CDC73: variants seen among roughly 807,000 people sequenced by gnomAD.
CDC73 encodes parafibromin.
In CDC73, 21 loss-of-function variants were observed where a neutral mutation model predicts 83.7. That is an observed-to-expected ratio of 0.25 (90% CI 0.18 to 0.36). CDC73 has a LOEUF of 0.36. Ranked by LOEUF, CDC73 falls within the 10% of genes least tolerant of loss-of-function variation. CDC73 has a pLI of 1.00. For missense variants in CDC73, 342 were observed against 653.3 expected, an observed-to-expected ratio of 0.52 and a Z score of 5.19; for synonymous variants, 224 against 212.9, an observed-to-expected ratio of 1.05 and a Z score of -0.45.
chr1:193,123,811 G>A (rs1242439127), intron 1 of CDC73, among the ~76,000 whole-genome samples: 1 of 152,172 alleles, frequency 6.6e-6, no homozygotes, highest in Non-Finnish European at 1.5e-5. Flanking sequence ...AAACAGATAA[G>A]TTGATGTGAA....
chr1:193,124,277 A>G (rs1315607132), intron 1 of CDC73, among the ~76,000 whole-genome samples: 1 of 152,238 alleles, frequency 6.6e-6, no homozygotes, highest in South Asian at 2.1e-4. Context: ...TATTGTATGC[A>G]GTGCATTTTA....
intron 13 of CDC73, among the ~76,000 whole-genome samples, chr1:193,221,473 A>C (rs1013563147): frequency 2.6e-5 from 4 of 152,104 alleles, no homozygotes; most frequent in African/African-American, 9.7e-5. Context: ...AATCTCACAA[A>C]TTTTAGTAAT....
intron 10 of CDC73, among the ~76,000 whole-genome samples, chr1:193,200,594 T>C (rs1283245024): frequency 2.6e-5 from 4 of 152,238 alleles, no homozygotes; most frequent in Admixed American, 1.3e-4. Context: ...GAAAGCAGGT[T>C]TTCCTCTCCA....
intron 10 of CDC73, among the ~76,000 whole-genome samples, chr1:193,177,455 G>A (rs1285739512): frequency 2.0e-5 from 3 of 150,408 alleles, no homozygotes; most frequent in Non-Finnish European, 4.4e-5. Context: ...GCGTGAACCC[G>A]GGAGGCGGAG....
chr1:193,219,800 C>A (rs1677435140), intron 13 of CDC73, among the ~76,000 whole-genome samples: 1 of 152,114 alleles, frequency 6.6e-6, no homozygotes, highest in Admixed American at 6.6e-5. Context: ...TACCCTGGGT[C>A]ATGAAATAAT....
chr1:193,152,007 CT>C (rs1676122005), intron 9 of CDC73, among the ~76,000 whole-genome samples: 2 of 152,078 alleles, frequency 1.3e-5, no homozygotes. Flanking sequence ...TGGAACACTA[CT>C]TTTTATAACT....
intron 10 of CDC73, among the ~76,000 whole-genome samples, chr1:193,188,943 TTCTG>T (rs1394731821): frequency 1.2e-3 from 180 of 152,144 alleles, no homozygotes; most frequent in African/African-American, 1.5e-3. Flanking sequence ...ACCTCTTTCT[TTCTG>T]TCTGTCTGTT....
intron 3 of CDC73, among the ~76,000 whole-genome samples, chr1:193,134,330 A>T (rs1172086882): frequency 6.6e-6 from 1 of 152,150 alleles, no homozygotes; most frequent in South Asian, 2.1e-4. Flanking sequence ...CTAGTTAAAT[A>T]AATTGTAGTT....
At chr1:193,174,613 A>G (rs1676572233) in intron 10 of CDC73, among the ~76,000 whole-genome samples, 1 of 152,182 alleles carries the variant, frequency 6.6e-6, no homozygotes, top group South Asian at 2.1e-4. Context: ...GCCACTTGAC[A>G]ATCCTTTCAT....
Position 193,208,180 on chromosome 1 carries a change from G to A in CDC73, c.1031-3885G>A, listed in dbSNP as rs190881208. ...CACATTTCCTTACTCCTTTTCTGTT[G>A]GTGGGTTCTGTCAGATGTGCCTTTT... On this transcript the variant is annotated intron_variant, in intron 11 of 16. Coordinates refer to ENST00000367435, the MANE Select transcript of CDC73 (RefSeq NM_024529.5). 2.0e-3 allele frequency among the ~76,000 whole-genome samples: 299 copies of A among 152,116 alleles called. 1 individual carries two copies. Among genetic ancestry groups the A allele is most frequent in the African/African-American group, 6.8e-3 (283 of 41,494 alleles).
intron 15 of CDC73, among the ~76,000 whole-genome samples, chr1:193,237,966 T>G (rs998052994): frequency 6.6e-5 from 10 of 152,222 alleles, no homozygotes; most frequent in African/African-American, 2.4e-4. Flanking sequence ...AGAATTTTAA[T>G]GAAAGTAAAA....
At chr1:193,209,312 G>T (rs1175790325) in intron 11 of CDC73, among the ~76,000 whole-genome samples, 2 of 152,188 alleles carry the variant, frequency 1.3e-5, no homozygotes, top group South Asian at 4.1e-4. Flanking sequence ...TACTGTAGTT[G>T]CAGGATTCAG....
chr1:193,221,891 ACCT>A (rs1677476732), intron 13 of CDC73, among the ~76,000 whole-genome samples: 1 of 151,920 alleles, frequency 6.6e-6, no homozygotes, highest in South Asian at 2.1e-4. Flanking sequence ...CATAATTGAA[ACCT>A]CCTCCACACA....
At chr1:193,236,061 A>G (rs1036546569) in intron 14 of CDC73, among the ~76,000 whole-genome samples, 195 bp from the exon 15 acceptor site, 2 of 152,262 alleles carry the variant, frequency 1.3e-5, no homozygotes, top group African/African-American at 2.4e-5. Context: ...TATAGCAATC[A>G]TTAATACATT....
chr1:193,237,695 C>G (rs182833374), intron 15 of CDC73, among the ~76,000 whole-genome samples: 8 of 152,188 alleles, frequency 5.3e-5, no homozygotes, highest in Admixed American at 5.2e-4. Context: ...GTCATTAAAT[C>G]TGTAATAAAA....
rs1185920424 is a variant in CDC73 at position 193,250,556 on chromosome 1, A to G, written c.1560-120A>G. ...TCTTTATATTTCCAGTTTTCTAGAAAACAGCATTTTATTCTGTTGATTTTA... is the reference window on the plus strand; with the variant it reads ...TCTTTATATTTCCAGTTTTCTAGAAGACAGCATTTTATTCTGTTGATTTTA... On this transcript the variant is annotated intron_variant, in intron 16 of 16. Coordinates refer to ENST00000367435, the MANE Select transcript of CDC73 (RefSeq NM_024529.5). 1.3e-4 allele frequency: 92 copies of G among 716,328 alleles called. No homozygotes were observed. The East Asian group carries it at 2.5e-3, about 19-fold the overall frequency. The allele number at this position is 716,328 out of a possible 1,614,324, so 44.4% of individuals were successfully genotyped here. A position where few individuals can be genotyped will look rare whatever the true frequency, so the allele number is the denominator to read the frequency against.
At chr1:193,160,213 G>A (rs1424401649) in intron 10 of CDC73, among the ~76,000 whole-genome samples, 1 of 152,050 alleles carries the variant, frequency 6.6e-6, no homozygotes, top group Non-Finnish European at 1.5e-5. Context: ...GATGACTATG[G>A]AGTTAATGCC....
intron 15 of CDC73, among the ~76,000 whole-genome samples, chr1:193,244,139 T>C (rs1056940410): frequency 1.1e-4 from 17 of 152,216 alleles, no homozygotes; most frequent in Non-Finnish European, 2.2e-4. Flanking sequence ...ATTGCAGATA[T>C]AATGATAAAC....
intron 10 of CDC73, among the ~76,000 whole-genome samples, chr1:193,184,013 A>G (rs967185364): frequency 6.6e-6 from 1 of 151,910 alleles, no homozygotes; most frequent in East Asian, 1.9e-4. Flanking sequence ...AGATGTCTCT[A>G]AAGTATTTTA....
Sources: gnomAD v4.1 joint callset for allele counts (sites outside exome capture counted in the v4.1 genomes callset) on GRCh38, gnomAD v4.1.1 for gene constraint, MANE v1.5 for transcripts, NCBI Gene and HGNC (gene_info 2026-07-23, HGNC 2026-07-21) for gene names.